Variants in KANK1 observed in about 807,000 individuals in gnomAD.
The protein encoded by KANK1 is KN motif and ankyrin repeat domain-containing protein 1.
A neutral mutation model predicts 106.2 loss-of-function variants in KANK1; 109 were observed. That is an observed-to-expected ratio of 1.03 (90% CI 0.88 to 1.20). The LOEUF (loss-of-function observed/expected upper bound fraction) is 1.20, where lower values mean the gene tolerates loss of function less well. KANK1 is among the 50% of genes most tolerant of loss of function. KANK1 has a pLI of 0.00. For missense variants in KANK1, 2,399 were observed against 1,710.7 expected, an observed-to-expected ratio of 1.40 and a Z score of -7.10; for synonymous variants, 873 against 652.2, an observed-to-expected ratio of 1.34 and a Z score of -5.16.
intron 3 of KANK1, among the ~76,000 whole-genome samples, chr9:715,247 T>C (rs1449508537): frequency 6.6e-6 from 1 of 152,152 alleles, no homozygotes; most frequent in Admixed American, 6.5e-5. Flanking sequence ...TAAACAGGAT[T>C]AAAAATGATC....
At chr9:619,054 G>A (rs984591915) in intron 1 of KANK1, among the ~76,000 whole-genome samples, 4 of 152,128 alleles carry the variant, frequency 2.6e-5, no homozygotes, top group Admixed American at 6.5e-5. Context: ...AAAATCCACA[G>A]GACCTTTAGG....
chr9:476,377 C>T (rs182434232), intron 3 of KANK1, among the ~76,000 whole-genome samples: 5 of 151,920 alleles, frequency 3.3e-5, no homozygotes, highest in Non-Finnish European at 5.9e-5. Flanking sequence ...AAACATTAGC[C>T]GAGCATGGTG....
chr9:739,260 T>G (rs143149862), intron 8 of KANK1, among the ~76,000 whole-genome samples: 1 of 152,228 alleles, frequency 6.6e-6, no homozygotes, highest in Non-Finnish European at 1.5e-5. Flanking sequence ...TTGTAATACA[T>G]ATTTTTATTT....
At chr9:567,195 G>C (rs1042997259) in intron 1 of KANK1, among the ~76,000 whole-genome samples, 1 of 152,132 alleles carries the variant, frequency 6.6e-6, no homozygotes, top group African/African-American at 2.4e-5. Context: ...CTGTTCCCTT[G>C]GTCTGTGTGT....
At chr9:699,541 A>T (rs1230797194) in intron 2 of KANK1, among the ~76,000 whole-genome samples, 1 of 152,172 alleles carries the variant, frequency 6.6e-6, no homozygotes, top group Non-Finnish European at 1.5e-5. Flanking sequence ...TATCTGTGAG[A>T]GGAAATCCAA....
chr9:597,833 T>C (rs1309534519), intron 1 of KANK1, among the ~76,000 whole-genome samples: 2 of 151,302 alleles, frequency 1.3e-5, no homozygotes, highest in African/African-American at 4.9e-5. Flanking sequence ...CTGGCTAATT[T>C]TTTTGTATTT....
At chr9:708,423 A>G (rs1211556075) in intron 2 of KANK1, among the ~76,000 whole-genome samples, 2 of 152,234 alleles carry the variant, frequency 1.3e-5, no homozygotes, top group African/African-American at 4.8e-5. Flanking sequence ...CAGCCCTCCC[A>G]TTCTTAGGCT....
intron 1 of KANK1, among the ~76,000 whole-genome samples, chr9:536,162 ACT>A (rs1039845973): frequency 6.6e-6 from 1 of 151,838 alleles, no homozygotes; most frequent in East Asian, 1.9e-4. Flanking sequence ...ACATGGTGAA[ACT>A]CTGTCTCTAC....
At chr9:580,577 A>G (rs1173123176) in intron 1 of KANK1, among the ~76,000 whole-genome samples, 1 of 152,198 alleles carries the variant, frequency 6.6e-6, no homozygotes, top group Admixed American at 6.5e-5. Flanking sequence ...TCAGCTAGAC[A>G]CAGAGCACTG....
At chr9:485,208 C>G (rs2058270239) in intron 3 of KANK1, among the ~76,000 whole-genome samples, 1 of 152,178 alleles carries the variant, frequency 6.6e-6, no homozygotes, top group Admixed American at 6.5e-5. Context: ...ATCAGAGCAT[C>G]ACATTCCTCT....
chr9:668,731 A>C (rs2138475643), intron 1 of KANK1, among the ~76,000 whole-genome samples: 1 of 152,262 alleles, frequency 6.6e-6, no homozygotes, highest in South Asian at 2.1e-4. Flanking sequence ...ATCTTAGATA[A>C]GCAGTCCCCA....
chr9:708,480 C>T (rs1173333986), intron 2 of KANK1, among the ~76,000 whole-genome samples: 1 of 152,212 alleles, frequency 6.6e-6, no homozygotes, highest in Non-Finnish European at 1.5e-5. Flanking sequence ...AATTCACTTC[C>T]CACACGTGTT....
intron 1 of KANK1, among the ~76,000 whole-genome samples, chr9:589,836 G>C (rs542462717): frequency 6.6e-6 from 1 of 152,156 alleles, no homozygotes; most frequent in Non-Finnish European, 1.5e-5. Context: ...GTGGGAAATG[G>C]GCCAAGGAAT....
intron 1 of KANK1, among the ~76,000 whole-genome samples, chr9:586,729 G>A (rs536623448): frequency 4.7e-4 from 72 of 152,278 alleles, no homozygotes; most frequent in African/African-American, 1.7e-3. Flanking sequence ...AACAGAAGGT[G>A]GAAAGCTATG....
intron 1 of KANK1, among the ~76,000 whole-genome samples, chr9:547,143 A>C (rs191122396): frequency 6.6e-6 from 1 of 152,312 alleles, no homozygotes; most frequent in African/African-American, 2.4e-5. Context: ...ACATTGCAGC[A>C]CGAGAGTCCC....
At chr9:693,862 C>G in intron 2 of KANK1, 3 of 949,586 alleles carry the variant, frequency 3.2e-6, no homozygotes, top group Non-Finnish European at 3.8e-6. Context: ...AATATAAACT[C>G]GAGCTCTGTG....
chr9:475,531 C>A lies in KANK1; in HGVS notation c.-362+2258C>A, dbSNP rs140385283. 2.6e-5 allele frequency among the ~76,000 whole-genome samples: 4 copies of A among 152,242 alleles called. 1 individual carries two copies. In the East Asian group the frequency reaches 7.8e-4, roughly 30 times the overall value. ...TCCTGCTTGAGGACTAAGCTCTGAT[C>A]TTTTCTTATCTTCCAAATTCCTATC... On this transcript the variant is annotated intron_variant, in intron 3 of 15. Transcript: ENST00000382303.
At position 676,947 on chromosome 9, in the gene KANK1, G is replaced by A; in HGVS notation, c.-26G>A. ...TTTGCATGACTCCTCACTCCTTTCT[G>A]GATCTCTCATTGGACTCAAGCCAGC... On this transcript the variant is annotated 5_prime_UTR_variant, in exon 2 of 12. Transcript: ENST00000382297. 1 of 1,610,128 alleles carries A rather than the reference G, an allele frequency of 6.2e-7. No individual in the cohort carries two copies. Among genetic ancestry groups the A allele is most frequent in the South Asian group, 1.1e-5 (1 of 90,678 alleles).
rs35149316 is a variant in KANK1, at chr9:666,901, C to CTTT, written c.-83-9967_-83-9965dup. On this transcript the variant is annotated intron_variant, in intron 1 of 11. Coordinates refer to ENST00000382297, the MANE Select transcript of KANK1 (RefSeq NM_015158.5). Reference sequence around the variant, plus strand: ...ATCAGTGAAATTAGCCTATTGTTGTCTTTTTTTTTTTTTTTTTTTTTTTTG... The same window carrying CTTT: ...ATCAGTGAAATTAGCCTATTGTTGTCTTTTTTTTTTTTTTTTTTTTTTTTTTTG... Among the ~76,000 whole-genome samples the CTTT allele has an allele frequency of 1.9e-3, 104 of 53,454 alleles. 1 individual carries two copies. The highest frequency in any genetic ancestry group is 2.4e-3 in the African/African-American group (28 of 11,552). The allele number at this position is 53,454 out of a possible 152,430, so 35.1% of individuals were successfully genotyped here.
Sources: allele counts gnomAD v4.1 joint callset (sites outside exome capture counted in the v4.1 genomes callset), GRCh38; gene constraint gnomAD v4.1.1; transcripts MANE v1.5; gene names NCBI Gene and HGNC (gene_info 2026-07-23, HGNC 2026-07-21).